GALNT16: variants seen among roughly 807,000 people sequenced by gnomAD.
GALNT16 encodes the protein UDP-GalNAc:polypeptide N-acetylgalactosaminyltransferase-like protein 1.
In GALNT16, 40 loss-of-function variants were observed where a neutral mutation model predicts 76.1. The observed-to-expected ratio is 0.53, with a 90% CI of 0.41 to 0.68. GALNT16 has a LOEUF of 0.68. Ranked by LOEUF, GALNT16 falls within the 30% of genes least tolerant of loss-of-function variation. The pLI, the probability that GALNT16 is intolerant of heterozygous loss-of-function variation, is 0.00. For synonymous variants in GALNT16, 276 were observed against 285.2 expected (o/e 0.97, Z 0.32); for missense variants, 621 against 731.9 (o/e 0.85, Z 1.75).
the GALNT16 span, among the ~76,000 whole-genome samples, chr14:69,367,784 C>T: frequency 1.3e-5 from 2 of 152,050 alleles, no homozygotes; most frequent in African/African-American, 4.8e-5. Flanking sequence ...AGGCCAGGAG[C>T]TTCAGACCAA....
At chr14:69,262,884 T>C (rs1594805071) in intron 1 of GALNT16, among the ~76,000 whole-genome samples, 1 of 12,706 alleles carries the variant, frequency 7.9e-5, no homozygotes, top group African/African-American at 3.5e-3. Context: ...TCTTTTTTTC[T>C]TTTTTTTTTT....
At chr14:69,342,129 C>T (rs2045495574) in intron 12 of GALNT16, among the ~76,000 whole-genome samples, 1 of 152,084 alleles carries the variant, frequency 6.6e-6, no homozygotes, top group Non-Finnish European at 1.5e-5. Flanking sequence ...AAGCTGTTGA[C>T]CAGCAGATCA....
intron 5 of GALNT16, among the ~76,000 whole-genome samples, chr14:69,327,488 C>G (rs529425186): frequency 6.6e-6 from 1 of 152,218 alleles, no homozygotes; most frequent in Non-Finnish European, 1.5e-5. Context: ...CTGTAGGTAC[C>G]GTCAGGTCTG....
downstream of GALNT16, chr14:69,358,890 C>T (rs1052437802): frequency 3.3e-5 from 5 of 152,356 alleles, no homozygotes; most frequent in Admixed American, 3.3e-4. Context: ...CCAAAGTGAC[C>T]TGAGTCGTGT....
chr14:69,354,684 C>G (rs576665971), downstream of GALNT16: 1 of 152,490 alleles, frequency 6.6e-6, no homozygotes, highest in South Asian at 2.1e-4. Context: ...ACAGGTGGCC[C>G]TACTGCAAGG....
At chr14:69,385,563 T>C in the GALNT16 span, among the ~76,000 whole-genome samples, 2 of 151,736 alleles carry the variant, frequency 1.3e-5, no homozygotes, top group Admixed American at 1.3e-4. Context: ...TACCATTACT[T>C]TTCCCACTTA....
intron 1 of GALNT16, among the ~76,000 whole-genome samples, chr14:69,277,215 A>G (rs954170752): frequency 6.6e-6 from 1 of 152,216 alleles, no homozygotes; most frequent in Non-Finnish European, 1.5e-5. Flanking sequence ...CTTTATTATT[A>G]TATTTTCTCC....
chr14:69,310,146 A>G (rs909846132), intron 1 of GALNT16, among the ~76,000 whole-genome samples: 19 of 152,282 alleles, frequency 1.2e-4, no homozygotes, highest in Admixed American at 1.3e-4. Flanking sequence ...AAGACATACT[A>G]TAAGACTACA....
rs1298730 is a variant in GALNT16 at position 69,333,297 on chromosome 14, T to C, written c.863+128T>C. On this transcript the variant is annotated intron_variant, in intron 8 of 14. Coordinates refer to ENST00000448469, the MANE Select transcript of GALNT16 (RefSeq NM_001168368.2). This position sits in a 1 kb window ranked among gnomAD's most constrained non-coding sequence, Gnocchi z 4.2. ...CTAAGTGCTGACTCTGTTCTGGGCC[T>C]TCGGACCCTGTATGCAGGGACAGCG... 0.5 allele frequency: 353,062 copies of C among 713,140 alleles called. 89,109 individuals are homozygous for C. Among genetic ancestry groups the C allele is most frequent in the Non-Finnish European group, 0.53 (219,383 of 414,788 alleles). The allele number at this position is 713,140 out of a possible 1,614,324, so 44.2% of individuals were successfully genotyped here. A position where few individuals can be genotyped will look rare whatever the true frequency, so the allele number is the denominator to read the frequency against.
At chr14:69,335,555 A>G (rs776577041) in intron 9 of GALNT16, among the ~76,000 whole-genome samples, 1 of 152,126 alleles carries the variant, frequency 6.6e-6, no homozygotes, top group Non-Finnish European at 1.5e-5. Context: ...GAGACAGAGA[A>G]ACAAGTGAAT....
intron 1 of GALNT16, among the ~76,000 whole-genome samples, chr14:69,296,444 A>T (rs1385324340): frequency 6.6e-6 from 1 of 152,234 alleles, no homozygotes; most frequent in Non-Finnish European, 1.5e-5. Flanking sequence ...CTGTAATCCC[A>T]GCACTTTGGG....
chr14:69,379,384 G>A, the GALNT16 span, among the ~76,000 whole-genome samples: 1 of 152,118 alleles, frequency 6.6e-6, no homozygotes. Context: ...GAAAAACTGA[G>A]CACATATGAG....
At chr14:69,271,652 TTTGA>T (rs1442740811) in intron 1 of GALNT16, among the ~76,000 whole-genome samples, 5 of 152,238 alleles carry the variant, frequency 3.3e-5, no homozygotes, top group African/African-American at 1.2e-4. Flanking sequence ...TTTCATTTTA[TTTGA>T]TTCTCATTGA....
chr14:69,282,515 G>A (rs1232711479), intron 1 of GALNT16, among the ~76,000 whole-genome samples: 2 of 152,024 alleles, frequency 1.3e-5, no homozygotes, highest in East Asian at 1.9e-4. Context: ...GATCGCCCTT[G>A]GAAATGATTT....
At chr14:69,364,057 T>C in the GALNT16 span, among the ~76,000 whole-genome samples, 1 of 152,178 alleles carries the variant, frequency 6.6e-6, no homozygotes, top group African/African-American at 2.4e-5. This position sits in a 1 kb window ranked among gnomAD's most constrained non-coding sequence, Gnocchi z 4.2. Context: ...GCAGACTACA[T>C]GAAGACAAAG....
chr14:69,280,406 T>A (rs920680865), intron 1 of GALNT16, among the ~76,000 whole-genome samples: 1 of 152,198 alleles, frequency 6.6e-6, no homozygotes, highest in Non-Finnish European at 1.5e-5. Flanking sequence ...AATACTCCTA[T>A]GTATGTCTAT....
chr14:69,279,483 A>G (rs1189594404), intron 1 of GALNT16, among the ~76,000 whole-genome samples: 2 of 152,160 alleles, frequency 1.3e-5, no homozygotes, highest in Non-Finnish European at 2.9e-5. Flanking sequence ...TGTTCAATAA[A>G]TGTTATGTAG....
upstream of GALNT16, chr14:69,260,035 G>T (rs1488581663): frequency 4.7e-6 from 2 of 425,772 alleles, no homozygotes; most frequent in Non-Finnish European, 8.4e-6. Context: ...CGCGGGGCCG[G>T]CCCTGCGCAC....
intron 1 of GALNT16, among the ~76,000 whole-genome samples, chr14:69,266,285 G>A (rs1430886430): frequency 1.3e-5 from 2 of 152,170 alleles, no homozygotes; most frequent in Non-Finnish European, 2.9e-5. Flanking sequence ...AGGATTATGG[G>A]CAATCCCTCC....
Sources: gnomAD v4.1 joint callset for allele counts (sites outside exome capture counted in the v4.1 genomes callset) on GRCh38, gnomAD v4.1.1 for gene constraint, Gnocchi (gnomAD v3.1) non-coding constraint, MANE v1.5 for transcripts, NCBI Gene and HGNC (gene_info 2026-07-23, HGNC 2026-07-21) for gene names.